Variants in RIMBP2 observed in about 807,000 individuals in gnomAD.
RIMBP2 encodes the protein RIMS-binding protein 2.
In RIMBP2, 48 loss-of-function variants were observed where a neutral mutation model predicts 118.6. The observed-to-expected ratio is 0.40, with a 90% CI of 0.32 to 0.51. The LOEUF (loss-of-function observed/expected upper bound fraction) is 0.51. Ranked by LOEUF, RIMBP2 falls within the 20% of genes least tolerant of loss-of-function variation. The probability of loss-of-function intolerance (pLI) is 0.41; values close to 1 mark genes in which losing one functional copy is unlikely to be tolerated. For missense variants in RIMBP2, 1,551 were observed against 1,768.3 expected (o/e 0.88, Z 2.20); for synonymous variants, 762 against 742.9 (o/e 1.03, Z -0.42).
At chr12:130,639,406 C>T (rs1225516802) in intron 1 of RIMBP2, among the ~76,000 whole-genome samples, 1 of 134,972 alleles carries the variant, frequency 7.4e-6, no homozygotes, top group Non-Finnish European at 1.6e-5. Context: ...AATCTATTGG[C>T]CAGGTGCAGT....
chr12:130,653,564 C>G (rs2063311481), intron 1 of RIMBP2, among the ~76,000 whole-genome samples: 1 of 152,182 alleles, frequency 6.6e-6, no homozygotes, highest in South Asian at 2.1e-4. Context: ...ACCCTCTTCT[C>G]ACCAACTCCA....
At chr12:130,428,126 G>A (rs2076914582) in intron 15 of RIMBP2, 53 bp downstream of exon 15, 2 of 1,500,200 alleles carry the variant, frequency 1.3e-6, no homozygotes, top group African/African-American at 1.4e-5. Context: ...AAGGGACGTG[G>A]ATGGAGCTAC....
intron 6 of RIMBP2, among the ~76,000 whole-genome samples, chr12:130,459,728 G>A (rs970833874): frequency 1.3e-5 from 2 of 152,016 alleles, no homozygotes; most frequent in Admixed American, 1.3e-4. Flanking sequence ...GAGGGAACAG[G>A]GCAGGCTGTC....
intron 1 of RIMBP2, among the ~76,000 whole-genome samples, chr12:130,691,719 G>A (rs1350974316): frequency 6.6e-6 from 1 of 152,182 alleles, no homozygotes; most frequent in African/African-American, 2.4e-5. Context: ...CAGCTCTTGG[G>A]GGAGAAAAAC....
intron 6 of RIMBP2, chr12:130,468,881 C>T (rs1335744030): frequency 6.6e-6 from 1 of 152,198 alleles, no homozygotes; most frequent in East Asian, 1.9e-4. Context: ...CGGGAAGAGC[C>T]ATGTGTCTGG....
intron 21 of RIMBP2, among the ~76,000 whole-genome samples, chr12:130,401,258 G>A (rs2074530012): frequency 6.6e-6 from 1 of 152,004 alleles, no homozygotes; most frequent in Non-Finnish European, 1.5e-5. Context: ...TGGAATTACA[G>A]GCAGATGCCA....
intron 2 of RIMBP2, among the ~76,000 whole-genome samples, chr12:130,524,697 G>A (rs948006408): frequency 2.0e-5 from 3 of 152,220 alleles, no homozygotes; most frequent in Admixed American, 1.3e-4. Flanking sequence ...GATTGAAGAA[G>A]GGTCAGGCTG....
chr12:130,457,691 T>A (rs978486580), intron 6 of RIMBP2, among the ~76,000 whole-genome samples: 1 of 152,204 alleles, frequency 6.6e-6, no homozygotes, highest in Admixed American at 6.5e-5. Context: ...CTTGTCGGTG[T>A]CCACGGCTAC....
intron 11 of RIMBP2, among the ~76,000 whole-genome samples, chr12:130,440,226 G>A (rs1449867988): frequency 6.6e-6 from 1 of 150,644 alleles, no homozygotes; most frequent in Non-Finnish European, 1.5e-5. Context: ...CCGTCCCCGG[G>A]CATGGCTAAC....
intron 2 of RIMBP2, among the ~76,000 whole-genome samples, chr12:130,527,009 C>T (rs1201177712): frequency 6.6e-6 from 1 of 152,056 alleles, no homozygotes; most frequent in Non-Finnish European, 1.5e-5. Flanking sequence ...GTGGTTGCTG[C>T]TGTCCAGGGT....
chr12:130,472,079 G>A (rs1432734231), intron 5 of RIMBP2: 5 of 152,424 alleles, frequency 3.3e-5, no homozygotes, highest in African/African-American at 1.2e-4. Context: ...CAAGGCTGAA[G>A]CTGATCCAGA....
chr12:130,654,844 C>G (rs11061059), intron 1 of RIMBP2, among the ~76,000 whole-genome samples: 1 of 152,114 alleles, frequency 6.6e-6, no homozygotes, highest in Non-Finnish European at 1.5e-5. Context: ...CAAAGAGGAG[C>G]CAGCATGTCA....
intron 9 of RIMBP2, among the ~76,000 whole-genome samples, chr12:130,449,023 G>A (rs2078773383): frequency 6.6e-6 from 1 of 152,150 alleles, no homozygotes; most frequent in Admixed American, 6.6e-5. Flanking sequence ...TAGTGAGGGT[G>A]GCAACTGCAC....
At chr12:130,565,896 A>G (rs1201836675) in intron 2 of RIMBP2, among the ~76,000 whole-genome samples, 2 of 152,188 alleles carry the variant, frequency 1.3e-5, no homozygotes, top group African/African-American at 2.4e-5. Context: ...GCCATATTCC[A>G]TTGTCTTTAA....
rs55653381 is a variant in RIMBP2 at position 130,580,028 on chromosome 12, CAAAAA to C, written c.-217+48289_-217+48293del. ...TAAAACACTGTCTCTACCAAAAATACAAAAAAAAAAAAAAAAAAAATTAGCCGGGC... is the reference window on the plus strand; with the variant it reads ...TAAAACACTGTCTCTACCAAAAATACAAAAAAAAAAAAAAATTAGCCGGGC... On this transcript the variant is annotated intron_variant, in intron 2 of 22. Coordinates refer to ENST00000690449, the MANE Select transcript of RIMBP2 (RefSeq NM_001393629.1). 3.9e-4 allele frequency among the ~76,000 whole-genome samples: 46 copies of C among 116,496 alleles called. 1 individual carries two copies. The highest frequency in any genetic ancestry group is 1.5e-3 in the South Asian group (5 of 3,342). The allele number at this position is 116,496 out of a possible 152,430, so 76.4% of individuals were successfully genotyped here.
intron 4 of RIMBP2, among the ~76,000 whole-genome samples, chr12:130,479,641 T>C (rs1204119850): frequency 4.9e-5 from 7 of 143,440 alleles, no homozygotes. Context: ...TCCCGGGAGC[T>C]TCCCGACCTC....
intron 2 of RIMBP2, among the ~76,000 whole-genome samples, chr12:130,549,437 G>T (rs1186925200): frequency 6.6e-6 from 1 of 152,086 alleles, no homozygotes; most frequent in Non-Finnish European, 1.5e-5. Context: ...ATATCACAGG[G>T]GCTTGTCGTA....
chr12:130,602,070 G>A (rs888961622), intron 2 of RIMBP2, among the ~76,000 whole-genome samples: 9 of 152,140 alleles, frequency 5.9e-5, no homozygotes, highest in Admixed American at 5.2e-4. Flanking sequence ...AGGCCGAGGC[G>A]GGTGGATCAT....
In RIMBP2 at chr12:130,450,756, G is replaced by C. The variant is rs564394921; in HGVS notation, c.504+439C>G. On this transcript the variant is annotated intron_variant, in intron 8 of 22. Transcript: ENST00000690449. This position sits in a 1 kb window ranked among gnomAD's most constrained non-coding sequence, Gnocchi z 4.8. ...TAACAGCTTTCAGTGGCTTCACCTC[G>C]GACTCAGACAAAAAGCCAAACGCTG... is the stretch of plus-strand genomic sequence containing the variant. Among the ~76,000 whole-genome samples the C allele has an allele frequency of 2.0e-5, 3 of 151,386 alleles. No homozygotes were observed. Among genetic ancestry groups the C allele is most frequent in the African/African-American group, 7.3e-5 (3 of 41,104 alleles).
Sources: allele counts gnomAD v4.1 joint callset (sites outside exome capture counted in the v4.1 genomes callset), GRCh38; gene constraint gnomAD v4.1.1; non-coding constraint Gnocchi (gnomAD v3.1); transcripts MANE v1.5; gene names NCBI Gene and HGNC (gene_info 2026-07-23, HGNC 2026-07-21).